Variants in AGBL1 observed in about 807,000 individuals in gnomAD.
AGBL1 encodes AGBL carboxypeptidase 1.
In AGBL1, 130 loss-of-function variants were observed where a neutral mutation model predicts 118.9. The observed-to-expected ratio is 1.09, with a 90% CI of 0.95 to 1.26. AGBL1 has a LOEUF of 1.26. AGBL1 is among the 50% of genes most tolerant of loss of function. AGBL1 has a pLI of 0.00. For missense variants in AGBL1, 1,584 were observed against 1,298.1 expected (o/e 1.22, Z -3.38); for synonymous variants, 555 against 478.9 (o/e 1.16, Z -2.08).
At chr15:86,251,080 C>T (rs565556096) in intron 7 of AGBL1, among the ~76,000 whole-genome samples, 92 of 152,318 alleles carry the variant, frequency 6.0e-4, no homozygotes, top group African/African-American at 2.0e-3. Context: ...CATCCCTTGG[C>T]TGTCTTAGCA....
chr15:86,456,707 T>C (rs1274858424), intron 18 of AGBL1, among the ~76,000 whole-genome samples: 1 of 152,226 alleles, frequency 6.6e-6, no homozygotes, highest in Non-Finnish European at 1.5e-5. Flanking sequence ...TGATTAAACA[T>C]GCCTCTAGAG....
At chr15:87,010,755 T>TATCA (rs1362738662) in intron 24 of AGBL1, among the ~76,000 whole-genome samples, 2 of 152,218 alleles carry the variant, frequency 1.3e-5, no homozygotes, top group Non-Finnish European at 2.9e-5. Flanking sequence ...GAAAATAGCC[T>TATCA]ATCATGGGAC....
intron 22 of AGBL1, among the ~76,000 whole-genome samples, chr15:86,723,109 A>T (rs2086754948): frequency 2.0e-5 from 3 of 152,220 alleles, no homozygotes; most frequent in African/African-American, 7.2e-5. Flanking sequence ...TTCCTCAAGG[A>T]TCTAGAACTA....
chr15:86,811,317 G>C (rs1555452704), intron 22 of AGBL1, among the ~76,000 whole-genome samples: 1 of 152,170 alleles, frequency 6.6e-6, no homozygotes, highest in Non-Finnish European at 1.5e-5. Context: ...ACTCGGAGGA[G>C]GATGAAAGAT....
chr15:86,511,202 G>A (rs1304902453), intron 18 of AGBL1, among the ~76,000 whole-genome samples: 2 of 152,002 alleles, frequency 1.3e-5, no homozygotes, highest in African/African-American at 2.4e-5. Context: ...TTACATAGAA[G>A]AAAACCACAA....
chr15:86,868,170 TG>T (rs2079661063), intron 22 of AGBL1, among the ~76,000 whole-genome samples: 1 of 151,866 alleles, frequency 6.6e-6, no homozygotes, highest in African/African-American at 2.4e-5. Flanking sequence ...GAAACGTACA[TG>T]AAAAAAAACA....
intron 22 of AGBL1, among the ~76,000 whole-genome samples, chr15:86,746,674 A>T (rs911313704): frequency 2.0e-5 from 3 of 152,024 alleles, no homozygotes; most frequent in Non-Finnish European, 2.9e-5. Flanking sequence ...CACTTATTGG[A>T]TGTTTTGTGA....
At chr15:86,637,761 G>T (rs948645575) in intron 21 of AGBL1, among the ~76,000 whole-genome samples, 3 of 152,104 alleles carry the variant, frequency 2.0e-5, no homozygotes, top group African/African-American at 7.2e-5. Context: ...ATTAAACAGG[G>T]AGAATGAAAG....
chr15:86,369,616 G>T (rs2080942108), intron 17 of AGBL1, among the ~76,000 whole-genome samples: 1 of 151,996 alleles, frequency 6.6e-6, no homozygotes, highest in Non-Finnish European at 1.5e-5. Flanking sequence ...ATTATTTTTG[G>T]CTAAAATTAA....
At chr15:86,411,398 C>T (rs1283380325) in intron 18 of AGBL1, among the ~76,000 whole-genome samples, 1 of 152,144 alleles carries the variant, frequency 6.6e-6, no homozygotes, top group Non-Finnish European at 1.5e-5. Flanking sequence ...CGAGAGCCTT[C>T]TGCTCTCTGT....
intron 19 of AGBL1, among the ~76,000 whole-genome samples, chr15:86,525,264 A>G (rs2083248079): frequency 6.6e-6 from 1 of 152,240 alleles, no homozygotes; most frequent in Admixed American, 6.5e-5. Context: ...CGACAAATGG[A>G]AAAATATCCC....
At chr15:86,734,864 G>C (rs2077570860) in intron 22 of AGBL1, among the ~76,000 whole-genome samples, 1 of 152,082 alleles carries the variant, frequency 6.6e-6, no homozygotes, top group Non-Finnish European at 1.5e-5. Flanking sequence ...TTCCCTGAGT[G>C]AGCTGATGGG....
chr15:86,821,697 A>T (rs113402546), intron 22 of AGBL1, among the ~76,000 whole-genome samples: 2 of 152,292 alleles, frequency 1.3e-5, no homozygotes, highest in African/African-American at 4.8e-5. Context: ...AATAGTTGTC[A>T]TTTATTGAGC....
At chr15:87,012,273 A>AG (rs887052038) in intron 24 of AGBL1, among the ~76,000 whole-genome samples, 13 of 151,972 alleles carry the variant, frequency 8.6e-5, no homozygotes, top group African/African-American at 2.9e-4. Context: ...GGTTAAAAAA[A>AG]AAATCCAACA....
At chr15:86,646,085 GAAT>G (rs2085274561) in intron 21 of AGBL1, among the ~76,000 whole-genome samples, 1 of 152,154 alleles carries the variant, frequency 6.6e-6, no homozygotes, top group Admixed American at 6.5e-5. Context: ...GCGTGTAGCA[GAAT>G]ATCTGAGTGT....
intron 24 of AGBL1, among the ~76,000 whole-genome samples, chr15:87,003,951 G>A (rs1475666210): frequency 6.6e-6 from 1 of 151,954 alleles, no homozygotes; most frequent in Non-Finnish European, 1.5e-5. Flanking sequence ...AGGGTTTTTT[G>A]TGTCTCTATC....
intron 9 of AGBL1, 99 bp downstream of exon 9, chr15:86,258,130 A>G (rs965758499): frequency 7.9e-7 from 1 of 1,270,790 alleles, no homozygotes; most frequent in Admixed American, 2.2e-5. Flanking sequence ...GTAAATTTTA[A>G]GAACTGACTT....
At chr15:86,672,037 A>C (rs968485797) in intron 21 of AGBL1, among the ~76,000 whole-genome samples, 1 of 152,192 alleles carries the variant, frequency 6.6e-6, no homozygotes, top group African/African-American at 2.4e-5. Flanking sequence ...GCGCCACTGT[A>C]CTCCAGCTTG....
chr15:86,951,844 C>T (rs2080883651), intron 23 of AGBL1, among the ~76,000 whole-genome samples: 1 of 152,088 alleles, frequency 6.6e-6, no homozygotes, highest in Non-Finnish European at 1.5e-5. Context: ...CATGTTTAGG[C>T]CTGCTATGTC....
Sources: allele counts gnomAD v4.1 joint callset (sites outside exome capture counted in the v4.1 genomes callset), GRCh38; gene constraint gnomAD v4.1.1; transcripts MANE v1.5; gene names NCBI Gene and HGNC (gene_info 2026-07-23, HGNC 2026-07-21).